ADGRF5: variants seen among roughly 807,000 people sequenced by gnomAD.
ADGRF5 encodes the protein adhesion G protein-coupled receptor F5.
ADGRF5 carries 75 observed loss-of-function variants against 132.3 expected under a neutral mutation model. That is an observed-to-expected ratio of 0.57 (90% CI 0.47 to 0.69). The LOEUF is 0.69. ADGRF5 is among the 30% of genes least tolerant of loss of function. The probability of loss-of-function intolerance (pLI) is 0.00; values close to 1 mark genes in which losing one functional copy is unlikely to be tolerated. For synonymous variants in ADGRF5, 629 were observed against 597.6 expected (o/e 1.05, Z -0.77); for missense variants, 1,516 against 1,630.6 (o/e 0.93, Z 1.21).
In ADGRF5 at chr6:46,887,462, A is replaced by G. The variant is rs186450262; in HGVS notation, c.328+873T>C. 9.8e-5 allele frequency among the ~76,000 whole-genome samples: 15 copies of G among 152,310 alleles called. No homozygotes were observed. In the East Asian group the frequency reaches 2.7e-3, roughly 27 times the overall value. ...ATCCAACTGGAAAACCACTAACTCA[A>G]GGAAATTAGTGCTAATGGTAGAAAT... On this transcript the variant is annotated intron_variant, in intron 4 of 20. Transcript: ENST00000283296.
rs1326969668 is a variant in ADGRF5, at chr6:46,871,849, A to G, written c.1405T>C (p.Ser469Pro). ...GSANIKVTFI[S>P]VANLTITPDP... ...TGCTAGGGAGAGTCCTTACCCACAG[A>G]GATGAATGTCACTTTTATGTTTGCA... Residue 469 changes from serine to proline, a missense_variant, in exon 11 of 21, where the codon TCT (serine) becomes CCT (proline). Around this residue, in one of 2 missense-constraint regions of ADGRF5, gnomAD observed 945 missense variants for 929.4 expected, o/e 1.02. Coordinates refer to ENST00000283296, the MANE Select transcript of ADGRF5 (RefSeq NM_001098518.2). The G allele has an allele frequency of 1.3e-6, 2 of 1,594,136 alleles. No homozygotes were observed. Among genetic ancestry groups the G allele is most frequent in the Non-Finnish European group, 1.7e-6 (2 of 1,164,716 alleles).
Position 46,865,210 on chromosome 6 carries a change from T to C in ADGRF5, c.1835-13A>G. 1 of 1,594,514 alleles carries C rather than the reference T, an allele frequency of 6.3e-7. No individual in the cohort carries two copies. Among genetic ancestry groups the C allele is most frequent in the Admixed American group, 1.7e-5 (1 of 59,098 alleles). The stretch of plus-strand genomic sequence containing the variant: ...TTAACTTCTTTTGCTGAAGACAGAA[T>C]TATTGAAAGAATTAAGTCACAACAT... On this transcript the variant is annotated splice_polypyrimidine_tract_variant and intron_variant, in intron 13 of 20. Transcript: ENST00000283296.
intron 1 of ADGRF5, among the ~76,000 whole-genome samples, chr6:46,942,103 C>T (rs1025926574): frequency 1.3e-5 from 2 of 152,160 alleles, no homozygotes; most frequent in Non-Finnish European, 2.9e-5. Context: ...TCCTTCAAGG[C>T]CCAGGTCAAG....
chr6:46,873,980 C>A (rs538791038), intron 10 of ADGRF5, among the ~76,000 whole-genome samples: 2 of 152,358 alleles, frequency 1.3e-5, no homozygotes, highest in African/African-American at 4.8e-5. Context: ...GTAACTTGCT[C>A]AGACCCCATT....
intron 1 of ADGRF5, among the ~76,000 whole-genome samples, chr6:46,952,929 G>C (rs1778555168): frequency 6.6e-6 from 1 of 152,188 alleles, no homozygotes; most frequent in Non-Finnish European, 1.5e-5. Context: ...GGGAATGAAG[G>C]TGTACAAACC....
intron 1 of ADGRF5, among the ~76,000 whole-genome samples, chr6:46,948,548 G>T (rs1292594064): frequency 6.6e-6 from 1 of 151,470 alleles, no homozygotes; most frequent in Non-Finnish European, 1.5e-5. Flanking sequence ...TGTGTACACA[G>T]ATTTATGGCT....
intron 1 of ADGRF5, among the ~76,000 whole-genome samples, chr6:46,951,083 G>A (rs1778482104): frequency 1.3e-5 from 2 of 152,226 alleles, no homozygotes; most frequent in Admixed American, 1.3e-4. Flanking sequence ...AACCTCTCAT[G>A]CAGGTTAATA....
chr6:46,856,986 T>C (rs1162551621), intron 17 of ADGRF5, 78 bp from the exon 18 acceptor site: 6 of 1,113,678 alleles, frequency 5.4e-6, no homozygotes, highest in Non-Finnish European at 5.4e-6. Flanking sequence ...ACTGTTAACC[T>C]GGTGTTAAAT....
At chr6:46,902,543 G>A (rs1774882799) in intron 2 of ADGRF5, among the ~76,000 whole-genome samples, 1 of 152,176 alleles carries the variant, frequency 6.6e-6, no homozygotes, top group Non-Finnish European at 1.5e-5. Context: ...CCCCCAGTGT[G>A]ATTCAGTAGG....
chr6:46,950,749 G>A (rs554748012), intron 1 of ADGRF5, among the ~76,000 whole-genome samples: 5 of 152,258 alleles, frequency 3.3e-5, no homozygotes, highest in East Asian at 1.9e-4. Flanking sequence ...TCTTGACTTC[G>A]TGATCCGCTC....
intron 4 of ADGRF5, chr6:46,886,752 A>G (rs1044458262): frequency 6.6e-6 from 1 of 152,122 alleles, no homozygotes; most frequent in African/African-American, 2.4e-5. Flanking sequence ...AGTAGGCCTA[A>G]CCTTCATTGC....
At chr6:46,854,653 T>G (rs1768832043) in intron 20 of ADGRF5, 2 of 957,860 alleles carry the variant, frequency 2.1e-6, no homozygotes, top group Non-Finnish European at 1.5e-6. Flanking sequence ...GTGGGGACTG[T>G]GCACAGGGAG....
chr6:46,937,168 T>C (rs1428964098), intron 1 of ADGRF5, among the ~76,000 whole-genome samples: 1 of 152,082 alleles, frequency 6.6e-6, no homozygotes, highest in African/African-American at 2.4e-5. Context: ...GAGTTATATG[T>C]CTGATGAGCA....
At position 46,858,686 on chromosome 6, in the gene ADGRF5, C is replaced by G. The variant is rs765899823; in HGVS notation, c.3217G>C (p.Ala1073Pro). The change falls in exon 17 of 21, where the codon GCC becomes CCC. Residue 1073 changes from alanine (A) to proline (P), a missense_variant. By Grantham distance (27) the Ala-to-Pro change is conservative. Transcript: ENST00000283296. Reference sequence around the variant, plus strand: ...AGTATGTAGCGATTGTCCTGGATGGCAGCGACCACAATGAACCAGGTGTTG... The same window carrying G: ...AGTATGTAGCGATTGTCCTGGATGGGAGCGACCACAATGAACCAGGTGTTG... ...VANTWFIVVAAIQDNRYILCK... is the reference protein window; with the variant it reads ...VANTWFIVVAPIQDNRYILCK... The G allele has an allele frequency of 2.5e-6, 4 of 1,614,136 alleles. No homozygotes were observed. The highest frequency in any genetic ancestry group is 3.4e-6 in the Non-Finnish European group (4 of 1,180,016).
At chr6:46,951,119 T>A (rs1561845192) in intron 1 of ADGRF5, among the ~76,000 whole-genome samples, 2 of 152,210 alleles carry the variant, frequency 1.3e-5, no homozygotes, top group Non-Finnish European at 2.9e-5. Flanking sequence ...CGACGTGTGT[T>A]TATTGACAGA....
chr6:46,941,803 C>G lies in ADGRF5; in HGVS notation c.-25+12931G>C, dbSNP rs575118087. Among the ~76,000 whole-genome samples the G allele has an allele frequency of 1.9e-3, 287 of 152,256 alleles. 1 individual carries two copies. The highest frequency in any genetic ancestry group is 6.4e-3 in the South Asian group (31 of 4,824). ...CATCTGTGGGCCATCTCTTCTCTCC[C>G]CACACATAATTATCTTCAGCCGAGA... On this transcript the variant is annotated intron_variant, in intron 1 of 20. Transcript: ENST00000265417.
chr6:46,873,282 A>C (rs753477038), intron 10 of ADGRF5, among the ~76,000 whole-genome samples: 7 of 151,788 alleles, frequency 4.6e-5, no homozygotes, highest in Non-Finnish European at 1.0e-4. Context: ...TCATACCACC[A>C]TGCTTCTGTG....
chr6:46,920,791 A>G (rs1776861108), intron 1 of ADGRF5, among the ~76,000 whole-genome samples: 1 of 152,078 alleles, frequency 6.6e-6, no homozygotes, highest in African/African-American at 2.4e-5. Flanking sequence ...TGAACCCGGG[A>G]GGCAGAGGTT....
At chr6:46,954,550 A>T (rs1214789445) in intron 1 of ADGRF5, among the ~76,000 whole-genome samples, 1 of 152,186 alleles carries the variant, frequency 6.6e-6, no homozygotes, top group Non-Finnish European at 1.5e-5. Flanking sequence ...AGATTTGAAA[A>T]ATCCATATGT....
Sources: gnomAD v4.1 joint callset for allele counts (sites outside exome capture counted in the v4.1 genomes callset) on GRCh38, gnomAD v4.1.1 for gene constraint, gnomAD v4.1.1 regional missense constraint, MANE v1.5 for transcripts, NCBI Gene and HGNC (gene_info 2026-07-23, HGNC 2026-07-21) for gene names.